TTC23: variants seen among roughly 807,000 people sequenced by gnomAD.
The protein encoded by TTC23 is tetratricopeptide repeat domain 23.
A neutral mutation model predicts 55.1 loss-of-function variants in TTC23; 58 were observed. The observed-to-expected ratio is 1.05, with a 90% CI of 0.85 to 1.31. TTC23 has a LOEUF of 1.31. Among genes scored for constraint, TTC23 ranks in the 50% most tolerant of loss-of-function variants. The pLI is 0.00. For synonymous variants in TTC23, 203 were observed against 199.9 expected (o/e 1.02, Z -0.13); for missense variants, 516 against 534.4 (o/e 0.97, Z 0.34).
chr15:99,227,551 G>A (rs74877852), intron 5 of TTC23, among the ~76,000 whole-genome samples: 33 of 152,264 alleles, frequency 2.2e-4, no homozygotes, highest in African/African-American at 7.7e-4. Flanking sequence ...CCTGCTCATG[G>A]CATGCTTCTG....
intron 13 of TTC23, 119 bp downstream of exon 13, chr15:99,139,198 T>G: frequency 7.7e-7 from 1 of 1,292,008 alleles, no homozygotes. Flanking sequence ...ATGCAAGTTA[T>G]GGGAAGTCAG....
rs1436670424 is a variant in TTC23 at position 99,225,447 on chromosome 15, AG to A, written c.180+3085del. On this transcript the variant is annotated intron_variant, in intron 5 of 13. Transcript: ENST00000394132. The stretch of plus-strand genomic sequence containing the variant: ...GGAAAGTCGAGATGATTTACCAGCA[AG>A]TGGTAGCGCCAGGAAGTGGTTAAAC... Among the ~76,000 whole-genome samples, 4 of 152,300 alleles carry A rather than the reference AG, an allele frequency of 2.6e-5. No homozygotes were observed. The East Asian group carries it at 7.7e-4, about 29-fold the overall frequency.
chr15:99,246,647 G>A (rs973631978), intron 1 of TTC23, among the ~76,000 whole-genome samples: 23 of 152,046 alleles, frequency 1.5e-4, no homozygotes, highest in South Asian at 1.5e-3. Flanking sequence ...ATGGGCTGGC[G>A]CGATGGCTCA....
chr15:99,230,210 C>G (rs1304360476), intron 4 of TTC23, among the ~76,000 whole-genome samples: 1 of 151,426 alleles, frequency 6.6e-6, no homozygotes, highest in Non-Finnish European at 1.5e-5. Context: ...TAAAAAAGAC[C>G]CAAATGGAAC....
At chr15:99,167,420 G>A (rs1446486711) in intron 10 of TTC23, among the ~76,000 whole-genome samples, 1 of 152,216 alleles carries the variant, frequency 6.6e-6, no homozygotes, top group Non-Finnish European at 1.5e-5. Flanking sequence ...GTAAATCTGA[G>A]CCCTAATGGC....
chr15:99,177,242 T>C (rs1208405090), intron 9 of TTC23, among the ~76,000 whole-genome samples: 1 of 152,244 alleles, frequency 6.6e-6, no homozygotes, highest in East Asian at 1.9e-4. Flanking sequence ...ATTGCTGCAT[T>C]AGAATAGTCA....
rs1161030444 is a variant in TTC23, at chr15:99,189,811, T to G, written c.759+10108A>C. Among the ~76,000 whole-genome samples, 8 of 152,228 alleles carry G rather than the reference T, an allele frequency of 5.3e-5. No individual in the cohort carries two copies. In the East Asian group the frequency reaches 1.5e-3, roughly 29 times the overall value. On this transcript the variant is annotated intron_variant, in intron 9 of 13. Coordinates refer to ENST00000394132, the MANE Select transcript of TTC23 (RefSeq NM_001288615.3). ...ACATGATCCTGGAGTGGATCTTGCA[T>G]TGGAGGAAAAAGAATTGCCATAAAG...
chr15:99,175,455 C>A (rs186054640), intron 9 of TTC23, among the ~76,000 whole-genome samples: 1 of 152,206 alleles, frequency 6.6e-6, no homozygotes, highest in Non-Finnish European at 1.5e-5. Context: ...AGGGGAGTTA[C>A]AAGAAGTAAA....
intron 8 of TTC23, among the ~76,000 whole-genome samples, chr15:99,205,474 T>C (rs1555523268): frequency 6.6e-6 from 1 of 152,190 alleles, no homozygotes; most frequent in Non-Finnish European, 1.5e-5. Flanking sequence ...CATCAATGTT[T>C]TATAGTTTTC....
chr15:99,183,212 T>A (rs1214371918), intron 9 of TTC23, among the ~76,000 whole-genome samples: 3 of 152,230 alleles, frequency 2.0e-5, no homozygotes, highest in African/African-American at 7.2e-5. Flanking sequence ...AGGTCATTCT[T>A]GCTATGCTTT....
intron 8 of TTC23, among the ~76,000 whole-genome samples, chr15:99,211,926 C>T (rs984534605): frequency 6.6e-6 from 1 of 152,156 alleles, no homozygotes; most frequent in Non-Finnish European, 1.5e-5. Context: ...AACTCCGGGC[C>T]TCAAGCGATC....
chr15:99,207,927 C>G (rs2076753855), intron 8 of TTC23, among the ~76,000 whole-genome samples: 1 of 152,132 alleles, frequency 6.6e-6, no homozygotes, highest in African/African-American at 2.4e-5. Flanking sequence ...GATGCAGATG[C>G]TTGTCAAGTA....
chr15:99,200,494 CT>C (rs1214161300), intron 8 of TTC23, among the ~76,000 whole-genome samples: 1 of 152,150 alleles, frequency 6.6e-6, no homozygotes, highest in African/African-American at 2.4e-5. Flanking sequence ...CTGTTAAATA[CT>C]TTACAAAACA....
intron 5 of TTC23, among the ~76,000 whole-genome samples, chr15:99,224,203 T>A (rs1363001676): frequency 2.0e-5 from 3 of 152,218 alleles, no homozygotes; most frequent in African/African-American, 7.2e-5. Flanking sequence ...ACTGTCATAT[T>A]CTTTTCTACA....
intron 3 of TTC23, among the ~76,000 whole-genome samples, chr15:99,240,712 A>G (rs2079708041): frequency 6.6e-6 from 1 of 152,192 alleles, no homozygotes; most frequent in Non-Finnish European, 1.5e-5. Context: ...CTCTCTTTCA[A>G]AGTGAAAGGC....
At chr15:99,142,683 A>G (rs2068373749) in intron 12 of TTC23, among the ~76,000 whole-genome samples, 1 of 152,202 alleles carries the variant, frequency 6.6e-6, no homozygotes, top group African/African-American at 2.4e-5. Context: ...CTAGGGAAAG[A>G]CATACAGCAT....
chr15:99,192,303 G>C (rs1216154083), intron 9 of TTC23, among the ~76,000 whole-genome samples: 1 of 152,184 alleles, frequency 6.6e-6, no homozygotes, highest in East Asian at 1.9e-4. Context: ...TGTCTCCAGG[G>C]CATGTCAGAG....
chr15:99,215,145 C>T (rs1331742210), intron 8 of TTC23, among the ~76,000 whole-genome samples: 1 of 148,544 alleles, frequency 6.7e-6, no homozygotes, highest in Admixed American at 6.7e-5. Context: ...CATGAGCCAC[C>T]GTGCCTGACC....
chr15:99,223,783 C>A (rs2078150626), intron 5 of TTC23, among the ~76,000 whole-genome samples: 1 of 152,210 alleles, frequency 6.6e-6, no homozygotes. Flanking sequence ...GCAAACCCCA[C>A]TGAGCTCTGC....
Sources: gnomAD v4.1 joint callset for allele counts (sites outside exome capture counted in the v4.1 genomes callset) on GRCh38, gnomAD v4.1.1 for gene constraint, MANE v1.5 for transcripts, NCBI Gene and HGNC (gene_info 2026-07-23, HGNC 2026-07-21) for gene names.